TIMP3: variants seen among roughly 807,000 people sequenced by gnomAD.
TIMP3 encodes metalloproteinase inhibitor 3.
In TIMP3, 11 loss-of-function variants were observed where a neutral mutation model predicts 30.0. The ratio of observed to expected loss-of-function variants is 0.37; its 90% CI spans 0.23 to 0.61. The LOEUF (loss-of-function observed/expected upper bound fraction) is 0.61. Among genes scored for constraint, TIMP3 ranks in the 20% least tolerant of loss-of-function variants. TIMP3 has a pLI of 0.70. For missense variants in TIMP3, 181 were observed against 276.8 expected (o/e 0.65, Z 2.45); for synonymous variants, 112 against 111.3 (o/e 1.01, Z -0.04).
chr22:32,852,460 G>A (rs1417258599), intron 2 of TIMP3, among the ~76,000 whole-genome samples: 1 of 152,186 alleles, frequency 6.6e-6, no homozygotes, highest in Non-Finnish European at 1.5e-5. Flanking sequence ...GGAAGAGAGA[G>A]AGGCCAGAGA....
intron 1 of TIMP3, among the ~76,000 whole-genome samples, chr22:32,840,501 A>ACCACCAG (rs2047864749): frequency 6.9e-6 from 1 of 145,462 alleles, no homozygotes; most frequent in Non-Finnish European, 1.5e-5. Flanking sequence ...GCCGCTCCCC[A>ACCACCAG]CCCCCAGCCC....
At chr22:32,852,992 G>A (rs191109192) in intron 2 of TIMP3, among the ~76,000 whole-genome samples, 261 of 152,334 alleles carry the variant, frequency 1.7e-3, no homozygotes, top group Non-Finnish European at 2.5e-3. Context: ...TGTCCCAGCT[G>A]GTCCTGGGAG....
At chr22:32,850,379 C>T (rs2048183974) in intron 2 of TIMP3, among the ~76,000 whole-genome samples, 1 of 151,960 alleles carries the variant, frequency 6.6e-6, no homozygotes, top group African/African-American at 2.4e-5. Context: ...ATTCTAAGCA[C>T]CCTGGGATGC....
In TIMP3 at chr22:32,861,237, G is replaced by A. The variant is rs1027841550; in HGVS notation, c.*1860G>A. 6.6e-6 allele frequency: 1 copy of A among 152,094 alleles called. No homozygotes were observed. Among genetic ancestry groups the A allele is most frequent in the Admixed American group, 6.6e-5 (1 of 15,244 alleles). 9.4% of individuals were successfully genotyped at this position (152,094 alleles called of 1,614,324 possible). A position where few individuals can be genotyped will look rare whatever the true frequency, so the allele number is the denominator to read the frequency against. ...GTCTTGCACACACACAAGTGCCCAGGCAAGGTGCTTGGCAGAACCGCAGAG... is the reference window on the plus strand; with the variant it reads ...GTCTTGCACACACACAAGTGCCCAGACAAGGTGCTTGGCAGAACCGCAGAG... On this transcript the variant is annotated 3_prime_UTR_variant, in exon 5 of 5. Transcript: ENST00000266085.
chr22:32,856,673 A>T (rs2048377266), intron 2 of TIMP3, among the ~76,000 whole-genome samples: 1 of 152,200 alleles, frequency 6.6e-6, no homozygotes. Context: ...GGAACATCTG[A>T]ATTATCCTCT....
rs1375149892 is a variant in TIMP3, at chr22:32,809,812, T to C, written c.121+7690T>C. Among the ~76,000 whole-genome samples the C allele has an allele frequency of 3.3e-5, 5 of 152,350 alleles. No individual in the cohort carries two copies. In the East Asian group the frequency reaches 9.7e-4, roughly 29 times the overall value. ...TCGGATTTGGGTTGGCTTACTGATA[T>C]GCCTAAAATAGCTCCTGGCTTCTTT... On this transcript the variant is annotated intron_variant, in intron 1 of 4. Coordinates refer to ENST00000266085, the MANE Select transcript of TIMP3 (RefSeq NM_000362.5).
intron 3 of TIMP3, 75 bp downstream of exon 3, chr22:32,857,435 C>T (rs550061642): frequency 2.0e-5 from 22 of 1,112,428 alleles, no homozygotes; most frequent in Middle Eastern, 2.6e-4. Flanking sequence ...AGAACACATA[C>T]GGAGTAGTTG....
intron 1 of TIMP3, among the ~76,000 whole-genome samples, chr22:32,825,657 C>CAA (rs130292): frequency 3.5e-5 from 1 of 28,594 alleles, no homozygotes; most frequent in Non-Finnish European, 6.1e-5. Flanking sequence ...GTTTCCATCT[C>CAA]AAAAAAAAAA....
intron 1 of TIMP3, among the ~76,000 whole-genome samples, chr22:32,813,105 A>T (rs2046956661): frequency 6.6e-6 from 1 of 152,218 alleles, no homozygotes; most frequent in Non-Finnish European, 1.5e-5. Flanking sequence ...TACAGGGACC[A>T]GGCACAGAAG....
intron 1 of TIMP3, among the ~76,000 whole-genome samples, chr22:32,828,152 T>C (rs1488881485): frequency 6.6e-6 from 1 of 152,242 alleles, no homozygotes; most frequent in East Asian, 1.9e-4. Flanking sequence ...CAGGAAAGAA[T>C]GCCCTTTTGA....
At chr22:32,836,162 A>G (rs2047723870) in intron 1 of TIMP3, among the ~76,000 whole-genome samples, 1 of 152,218 alleles carries the variant, frequency 6.6e-6, no homozygotes, top group Non-Finnish European at 1.5e-5. Context: ...AAAGCTACAC[A>G]TTTTGGGGAA....
chr22:32,836,764 G>A (rs948298097), intron 1 of TIMP3, among the ~76,000 whole-genome samples: 7 of 152,184 alleles, frequency 4.6e-5, no homozygotes, highest in African/African-American at 1.7e-4. Flanking sequence ...CAACCTTACA[G>A]AATGAAGCTT....
chr22:32,827,988 C>A (rs1016460760), intron 1 of TIMP3, among the ~76,000 whole-genome samples: 1 of 152,150 alleles, frequency 6.6e-6, no homozygotes, highest in African/African-American at 2.4e-5. Context: ...CTTGTCTATT[C>A]CCCTTTGCCT....
rs57213553 is a variant in TIMP3, at chr22:32,852,937, C to T, written c.204+3403C>T. On this transcript the variant is annotated intron_variant, in intron 2 of 4. Coordinates refer to ENST00000266085, the MANE Select transcript of TIMP3 (RefSeq NM_000362.5). Reference sequence around the variant, plus strand: ...GGAGTTATTGTTTATGTAGCGGAGACATGCTCTCCAGCTGGCTGCAGGGGA... The same window carrying T: ...GGAGTTATTGTTTATGTAGCGGAGATATGCTCTCCAGCTGGCTGCAGGGGA... Among the ~76,000 whole-genome samples, 1,426 of 152,270 alleles carry T rather than the reference C, an allele frequency of 9.4e-3. 29 individuals are homozygous for T. The highest frequency in any genetic ancestry group is 0.033 in the African/African-American group (1,386 of 41,550).
At position 32,861,995 on chromosome 22, in the gene TIMP3, A is replaced by G. The variant is rs2048554051; in HGVS notation, c.*2618A>G. 2 of 152,656 alleles carry G rather than the reference A, an allele frequency of 1.3e-5. No individual in the cohort carries two copies. The highest frequency in any genetic ancestry group is 4.8e-5 in the African/African-American group (2 of 41,464). The allele number at this position is 152,656 out of a possible 1,614,324, so 9.5% of individuals were successfully genotyped here. A position where few individuals can be genotyped will look rare whatever the true frequency, so the allele number is the denominator to read the frequency against. ...GTGGAATGGAGAGGAAAATACTTCTAGGCAAGCAGCTAGACTGGTGAATTG... is the reference window on the plus strand; with the variant it reads ...GTGGAATGGAGAGGAAAATACTTCTGGGCAAGCAGCTAGACTGGTGAATTG... On this transcript the variant is annotated 3_prime_UTR_variant, in exon 5 of 5. Transcript: ENST00000266085.
chr22:32,845,879 C>T (rs551091386), intron 1 of TIMP3, among the ~76,000 whole-genome samples: 8 of 152,312 alleles, frequency 5.3e-5, no homozygotes, highest in African/African-American at 9.6e-5. Flanking sequence ...GCGAATGCCT[C>T]GGGAGAACCC....
At chr22:32,818,692 C>A (rs1601439109) in intron 1 of TIMP3, among the ~76,000 whole-genome samples, 1 of 152,172 alleles carries the variant, frequency 6.6e-6, no homozygotes, top group African/African-American at 2.4e-5. Context: ...CCAGCTCTTG[C>A]ACCATTAACT....
chr22:32,821,877 C>T (rs184218321), intron 1 of TIMP3, among the ~76,000 whole-genome samples: 5 of 152,302 alleles, frequency 3.3e-5, no homozygotes, highest in Admixed American at 6.5e-5. Context: ...AAGTTGAGGC[C>T]GAGCGCAGTG....
In TIMP3 at chr22:32,861,508, A is replaced by G. The variant is rs1005040889; in HGVS notation, c.*2131A>G. On this transcript the variant is annotated 3_prime_UTR_variant, in exon 5 of 5. Transcript: ENST00000266085. ...ATGGTGGGGCCCCTGACCAACCTAC[A>G]CAAGTTCCCTCCCACAAGTGGACAT... 1.3e-5 allele frequency: 2 copies of G among 152,280 alleles called. No individual in the cohort carries two copies. The highest frequency in any genetic ancestry group is 2.9e-5 in the Non-Finnish European group (2 of 68,056). The allele number at this position is 152,280 out of a possible 1,614,324, so 9.4% of individuals were successfully genotyped here.
Sources: gnomAD v4.1 joint callset for allele counts (sites outside exome capture counted in the v4.1 genomes callset) on GRCh38, gnomAD v4.1.1 for gene constraint, MANE v1.5 for transcripts, NCBI Gene and HGNC (gene_info 2026-07-23, HGNC 2026-07-21) for gene names.